Variants in PCDHGA4 observed in about 807,000 individuals in gnomAD.
PCDHGA4 encodes protocadherin gamma subfamily A, 4, also known as protocadherin gamma-A4.
A neutral mutation model predicts 54.6 loss-of-function variants in PCDHGA4; 38 were observed. The ratio of observed to expected loss-of-function variants is 0.70; its 90% CI spans 0.54 to 0.91. The LOEUF is 0.91. PCDHGA4 is among the 40% of genes least tolerant of loss of function. The pLI is 0.00. For synonymous variants in PCDHGA4, 511 were observed against 512.9 expected (o/e 1.00, Z 0.05); for missense variants, 1,298 against 1,220.9 (o/e 1.06, Z -0.94).
At chr5:141,396,781 G>T (rs1270995904) in intron 1 of PCDHGA4, 1 of 152,204 alleles carries the variant, frequency 6.6e-6, no homozygotes, top group East Asian at 1.9e-4. Context: ...TTAATGAAAA[G>T]GACATTTCCT....
chr5:141,400,282 G>T (rs774476991), intron 1 of PCDHGA4: 2 of 1,613,974 alleles, frequency 1.2e-6, no homozygotes, highest in Non-Finnish European at 1.7e-6. Context: ...CAGCCCTGCC[G>T]CCTGGAGCTG....
chr5:141,397,047 G>A (rs180929307), intron 1 of PCDHGA4, among the ~76,000 whole-genome samples: 130 of 152,158 alleles, frequency 8.5e-4, no homozygotes, highest in African/African-American at 2.9e-3. Context: ...TTATGTAAAT[G>A]AACTTATGAG....
chr5:141,491,549 A>T lies in PCDHGA4; in HGVS notation c.2515-3258A>T, dbSNP rs748281587. 18 of 1,613,860 alleles carry T rather than the reference A, an allele frequency of 1.1e-5. No homozygotes were observed. In the East Asian group the frequency reaches 3.8e-4, roughly 34 times the overall value. On this transcript the variant is annotated intron_variant, in intron 1 of 3. Coordinates refer to ENST00000571252, the MANE Select transcript of PCDHGA4 (RefSeq NM_018917.4). This position sits in a 1 kb window ranked among gnomAD's most constrained non-coding sequence, Gnocchi z 6.9. Reference sequence around the variant, plus strand: ...GTGACGCTGCGGCCCACAGACTCGCAGAGCCACTGCTACAGGACGTGCTTT... The same window carrying T: ...GTGACGCTGCGGCCCACAGACTCGCTGAGCCACTGCTACAGGACGTGCTTT...
rs2097400915 is a variant in PCDHGA4, at chr5:141,431,619, A to G, written c.2515-63188A>G. The stretch of plus-strand genomic sequence containing the variant: ...TATTCCTTCCGGTATGTGGACGACA[A>G]GGCGGCCCAAGTTTTCAAACTAGAT... On this transcript the variant is annotated intron_variant, in intron 1 of 3. Coordinates refer to ENST00000571252, the MANE Select transcript of PCDHGA4 (RefSeq NM_018917.4). The surrounding 1 kb of genome is among the most constrained non-coding windows in gnomAD (Gnocchi z 4.8). 3.1e-6 allele frequency: 5 copies of G among 1,614,230 alleles called. No homozygotes were observed. The highest frequency in any genetic ancestry group is 4.5e-5 in the East Asian group (2 of 44,880).
rs368168278 is a variant in PCDHGA4, at chr5:141,419,810, C to T, written c.2514+62189C>T. On this transcript the variant is annotated intron_variant, in intron 1 of 3. Coordinates refer to ENST00000571252, the MANE Select transcript of PCDHGA4 (RefSeq NM_018917.4). ...GCTAGTCGCTGTAAGAGATGGAGGA[C>T]AGCCACCCCTTTCAGCCACTGCCAC... The T allele has an allele frequency of 3.1e-6, 5 of 1,613,946 alleles. No individual in the cohort carries two copies. The Admixed American group carries it at 8.3e-5, about 27-fold the overall frequency.
intron 1 of PCDHGA4, chr5:141,374,346 G>A: frequency 1.2e-6 from 2 of 1,614,048 alleles, no homozygotes; most frequent in South Asian, 2.2e-5. Flanking sequence ...GTCACCGCGG[G>A]TAGGATAGAC....
Position 141,491,869 on chromosome 5 carries a change from G to A in PCDHGA4, c.2515-2938G>A. On this transcript the variant is annotated intron_variant, in intron 1 of 3. Transcript: ENST00000571252. The surrounding 1 kb of genome is among the most constrained non-coding windows in gnomAD (Gnocchi z 6.9). ...GGACCGTTTGCGCGAAACCAGAGTG[G>A]CCGATTAAGGGATGGGGCTCCGAGC... The A allele has an allele frequency of 6.9e-7, 1 of 1,453,094 alleles. No individual in the cohort carries two copies. Among genetic ancestry groups the A allele is most frequent in the Non-Finnish European group, 9.1e-7 (1 of 1,099,380 alleles). 90.0% of individuals were successfully genotyped at this position (1,453,094 alleles called of 1,614,324 possible).
At chr5:141,393,348 T>A in intron 1 of PCDHGA4, 1 of 1,613,848 alleles carries the variant, frequency 6.2e-7, no homozygotes, top group Non-Finnish European at 8.5e-7. Flanking sequence ...TCACCACTTC[T>A]CCCTGGACGT....
At chr5:141,501,313 ACAC>A (rs2099807743) in intron 2 of PCDHGA4, among the ~76,000 whole-genome samples, 1 of 151,686 alleles carries the variant, frequency 6.6e-6, no homozygotes, top group Non-Finnish European at 1.5e-5. Context: ...ACACACACAC[ACAC>A]ACACACACAC....
chr5:141,475,761 T>C (rs1430719406), intron 1 of PCDHGA4, among the ~76,000 whole-genome samples: 3 of 152,248 alleles, frequency 2.0e-5, no homozygotes, highest in Admixed American at 6.5e-5. Flanking sequence ...GCACCGATAC[T>C]GGCAAGGCGC....
intron 1 of PCDHGA4, chr5:141,440,723 T>C (rs2098196558): frequency 6.6e-6 from 1 of 152,178 alleles, no homozygotes; most frequent in Non-Finnish European, 1.5e-5. Flanking sequence ...GTTGATCCTG[T>C]GTTAGAGAAG....
chr5:141,383,105 G>C (rs775672220), intron 1 of PCDHGA4: 7 of 1,614,030 alleles, frequency 4.3e-6, no homozygotes, highest in Non-Finnish European at 5.9e-6. Flanking sequence ...ATCATCTCCA[G>C]AGGTAGGACG....
chr5:141,456,426 A>G (rs2098857765), intron 1 of PCDHGA4, among the ~76,000 whole-genome samples: 1 of 152,210 alleles, frequency 6.6e-6, no homozygotes, highest in Non-Finnish European at 1.5e-5. Context: ...AATTCAAGTT[A>G]TAGTATTGAG....
At chr5:141,483,648 T>TTGTGTG (rs111458813) in intron 1 of PCDHGA4, among the ~76,000 whole-genome samples, 20,229 of 149,628 alleles carry the variant, frequency 0.14, 2,147 homozygotes, top group African/African-American at 0.31. Context: ...GGGTGTGTGT[T>TTGTGTG]TGTGTGTGTG....
intron 1 of PCDHGA4, chr5:141,365,065 C>T (rs1300257401): frequency 6.2e-7 from 1 of 1,613,786 alleles, no homozygotes; most frequent in Non-Finnish European, 8.5e-7. Flanking sequence ...TCACCCCATC[C>T]GAGTACAGCG....
chr5:141,381,820 C>CTTTCT (rs1279410534), intron 1 of PCDHGA4, among the ~76,000 whole-genome samples: 20 of 119,922 alleles, frequency 1.7e-4, no homozygotes, highest in African/African-American at 3.7e-4. Flanking sequence ...TTCTTTCTTT[C>CTTTCT]TTCTTCTTTT....
rs754433753 is a variant in PCDHGA4 at position 141,399,914 on chromosome 5, A to G, written c.2514+42293A>G. On this transcript the variant is annotated intron_variant, in intron 1 of 3. Transcript: ENST00000571252. ...GTGGCCGTGGACGCAGACTCAGGACACAACGCCTGGCTGTCCTACCACGTG... is the reference window on the plus strand; with the variant it reads ...GTGGCCGTGGACGCAGACTCAGGACGCAACGCCTGGCTGTCCTACCACGTG... The G allele has an allele frequency of 2.7e-5, 44 of 1,612,236 alleles. No homozygotes were observed. In the Admixed American group the frequency reaches 7.3e-4, roughly 27 times the overall value.
At chr5:141,480,240 CAAA>C (rs11374694) in intron 1 of PCDHGA4, among the ~76,000 whole-genome samples, 1 of 114,046 alleles carries the variant, frequency 8.8e-6, no homozygotes, top group African/African-American at 3.3e-5. Flanking sequence ...CCTGTCTCTA[CAAA>C]AAAAAAAAAA....
chr5:141,389,449 A>T lies in PCDHGA4; in HGVS notation c.2514+31828A>T, dbSNP rs771507101. The stretch of plus-strand genomic sequence containing the variant: ...GCGCAGCGCGCCTTCGACCACGAGC[A>T]GCTGCGCGCCTTCGAACTCACACTG... On this transcript the variant is annotated intron_variant, in intron 1 of 3. Coordinates refer to ENST00000571252, the MANE Select transcript of PCDHGA4 (RefSeq NM_018917.4). 17 of 1,610,420 alleles carry T rather than the reference A, an allele frequency of 1.1e-5. No individual in the cohort carries two copies. In the African/African-American group the frequency reaches 2.3e-4, roughly 22 times the overall value.
Sources: gnomAD v4.1 joint callset for allele counts (sites outside exome capture counted in the v4.1 genomes callset) on GRCh38, gnomAD v4.1.1 for gene constraint, Gnocchi (gnomAD v3.1) non-coding constraint, MANE v1.5 for transcripts, NCBI Gene and HGNC (gene_info 2026-07-23, HGNC 2026-07-21) for gene names.